Variants in ME1 observed in about 807,000 individuals in gnomAD.
ME1 encodes the protein NADP-dependent malic enzyme.
ME1 carries 74 observed loss-of-function variants against 66.4 expected under a neutral mutation model. The observed-to-expected ratio is 1.11, with a 90% CI of 0.92 to 1.35. The LOEUF is 1.35. Among genes scored for constraint, ME1 ranks in the 40% most tolerant of loss-of-function variants. The pLI is 0.00. For synonymous variants in ME1, 251 were observed against 235.6 expected (o/e 1.07, Z -0.60); for missense variants, 750 against 694.1 (o/e 1.08, Z -0.90).
intron 3 of ME1, among the ~76,000 whole-genome samples, chr6:83,397,457 C>G (rs1443964471): frequency 1.3e-5 from 2 of 151,918 alleles, no homozygotes; most frequent in East Asian, 1.9e-4. Flanking sequence ...AACGGCTATA[C>G]CAAAAAGATG....
In ME1 at chr6:83,211,875, G is replaced by C; in HGVS notation, c.*49C>G. 8.0e-7 allele frequency: 1 copy of C among 1,243,542 alleles called. No individual in the cohort carries two copies. Among genetic ancestry groups the C allele is most frequent in the Non-Finnish European group, 1.1e-6 (1 of 933,384 alleles). 77.0% of individuals were successfully genotyped at this position (1,243,542 alleles called of 1,614,324 possible). ...AAAGATTCCAACCTTTAAAAATTAT[G>C]AAAGGTTTAAAGACCTCATTAATAG... On this transcript the variant is annotated 3_prime_UTR_variant, in exon 14 of 14. Coordinates refer to ENST00000369705, the MANE Select transcript of ME1 (RefSeq NM_002395.6).
chr6:83,311,259 AT>A (rs1767926586), intron 6 of ME1, among the ~76,000 whole-genome samples: 2 of 152,220 alleles, frequency 1.3e-5, no homozygotes, highest in African/African-American at 4.8e-5. Context: ...CAGTATTTGT[AT>A]TAGCCAGGAG....
At chr6:83,242,126 G>A (rs1469907372) in intron 7 of ME1, among the ~76,000 whole-genome samples, 3 of 152,170 alleles carry the variant, frequency 2.0e-5, no homozygotes, top group Non-Finnish European at 2.9e-5. Context: ...GCCTCCCAAA[G>A]TGCTGGGATT....
At chr6:83,262,710 G>C (rs1173068493) in intron 6 of ME1, among the ~76,000 whole-genome samples, 1 of 152,160 alleles carries the variant, frequency 6.6e-6, no homozygotes, top group Non-Finnish European at 1.5e-5. Context: ...TAATGACCAG[G>C]AAGGTTAAAA....
intron 9 of ME1, among the ~76,000 whole-genome samples, 189 bp downstream of exon 9, chr6:83,237,528 T>C (rs1790439390): frequency 6.6e-6 from 1 of 152,178 alleles, no homozygotes; most frequent in Non-Finnish European, 1.5e-5. Context: ...GCAGATGGAA[T>C]CTGTTCCTAA....
At chr6:83,395,986 A>G (rs907876168) in intron 3 of ME1, among the ~76,000 whole-genome samples, 2 of 152,214 alleles carry the variant, frequency 1.3e-5, no homozygotes, top group African/African-American at 4.8e-5. Flanking sequence ...ATGATACAAA[A>G]TCAACATATA....
At chr6:83,252,624 G>A (rs1402696588) in intron 7 of ME1, among the ~76,000 whole-genome samples, 1 of 152,044 alleles carries the variant, frequency 6.6e-6, no homozygotes, top group Non-Finnish European at 1.5e-5. Context: ...GTATAGACCT[G>A]GAATACAAAG....
At chr6:83,260,203 T>C (rs568181633) in intron 6 of ME1, among the ~76,000 whole-genome samples, 104 of 148,756 alleles carry the variant, frequency 7.0e-4, no homozygotes, top group Admixed American at 4.9e-3. Flanking sequence ...ACAAGCAAAA[T>C]AGAATCACTA....
intron 3 of ME1, among the ~76,000 whole-genome samples, chr6:83,388,003 T>C (rs1302200682): frequency 6.6e-6 from 1 of 152,094 alleles, no homozygotes; most frequent in South Asian, 2.1e-4. Context: ...TACTTGGAAG[T>C]CCGAAACACA....
At chr6:83,259,722 C>T (rs983119826) in intron 6 of ME1, among the ~76,000 whole-genome samples, 2 of 152,276 alleles carry the variant, frequency 1.3e-5, no homozygotes, top group South Asian at 2.1e-4. Flanking sequence ...TCTTTCATAG[C>T]AATATGGCTT....
chr6:83,242,493 G>A (rs529222190), intron 7 of ME1, among the ~76,000 whole-genome samples: 1 of 152,208 alleles, frequency 6.6e-6, no homozygotes, highest in East Asian at 1.9e-4. Context: ...CTAGGCAAAG[G>A]TCAAGGCATT....
At chr6:83,360,528 A>T (rs1768989086) in intron 3 of ME1, among the ~76,000 whole-genome samples, 1 of 152,198 alleles carries the variant, frequency 6.6e-6, no homozygotes, top group South Asian at 2.1e-4. Context: ...AGACATACTT[A>T]GCAGCTGGCA....
At chr6:83,227,204 T>C (rs1790212890) in intron 11 of ME1, 131 bp downstream of exon 11, 1 of 471,718 alleles carries the variant, frequency 2.1e-6, no homozygotes, top group Non-Finnish European at 3.5e-6. Context: ...ATCCCTCTGA[T>C]TTGTGTGCTT....
rs1768683757 is a variant in ME1 at position 83,346,234 on chromosome 6, C to A, written c.539G>T (p.Cys180Phe). The change falls in exon 5 of 14, where the codon TGC becomes TTC. Residue 180 changes from cysteine (C) to phenylalanine (F), a missense_variant. Physicochemically the swap from Cys to Phe is radical, Grantham distance 205. Coordinates refer to ENST00000369705, the MANE Select transcript of ME1 (RefSeq NM_002395.6). The stretch of plus-strand genomic sequence containing the variant: ...ACATTCTTGAGGATTCATCCCTCCG[C>A]AAGCTGTATATAGAGCCAATTTACC... ...PVGKLALYTA[C>F]GGMNPQECLP... 1.2e-6 allele frequency: 2 copies of A among 1,612,998 alleles called. No homozygotes were observed. The highest frequency in any genetic ancestry group is 8.5e-7 in the Non-Finnish European group (1 of 1,179,340).
intron 1 of ME1, among the ~76,000 whole-genome samples, chr6:83,425,002 T>C (rs1026354626): frequency 3.9e-5 from 6 of 152,164 alleles, no homozygotes; most frequent in Admixed American, 2.0e-4. Context: ...TTTATTCTTT[T>C]GTTTTGTTTT....
chr6:83,367,750 T>A (rs1448699439), intron 3 of ME1, among the ~76,000 whole-genome samples: 3 of 152,236 alleles, frequency 2.0e-5, no homozygotes, highest in Non-Finnish European at 4.4e-5. Flanking sequence ...TGTGGCTGGT[T>A]TGATCTTCTA....
intron 6 of ME1, among the ~76,000 whole-genome samples, chr6:83,277,265 G>C (rs1273416304): frequency 6.6e-6 from 1 of 152,166 alleles, no homozygotes; most frequent in South Asian, 2.1e-4. Context: ...TATAAGTTGT[G>C]TAATGCTGAC....
At chr6:83,213,399 G>C (rs1169694124) in intron 13 of ME1, among the ~76,000 whole-genome samples, 1 of 151,836 alleles carries the variant, frequency 6.6e-6, no homozygotes, top group East Asian at 2.0e-4. Flanking sequence ...ACTCTAGCCT[G>C]GGCAACAAGA....
intron 2 of ME1, among the ~76,000 whole-genome samples, chr6:83,402,603 C>G (rs528756151): frequency 6.6e-6 from 1 of 152,292 alleles, no homozygotes; most frequent in East Asian, 1.9e-4. Flanking sequence ...TAAACTGTTA[C>G]ACTACAGTGG....
Sources: gnomAD v4.1 joint callset for allele counts (sites outside exome capture counted in the v4.1 genomes callset) on GRCh38, gnomAD v4.1.1 for gene constraint, MANE v1.5 for transcripts, NCBI Gene and HGNC (gene_info 2026-07-23, HGNC 2026-07-21) for gene names.